XKR4: variants seen among roughly 807,000 people sequenced by gnomAD.
XKR4 encodes the protein XK-related protein 4.
In XKR4, 12 loss-of-function variants were observed where a neutral mutation model predicts 53.9. The observed-to-expected ratio is 0.22, with a 90% CI of 0.14 to 0.36. The LOEUF (loss-of-function observed/expected upper bound fraction) is 0.36, where lower values mean the gene tolerates loss of function less well. Among genes scored for constraint, XKR4 ranks in the 10% least tolerant of loss-of-function variants. The pLI is 1.00. For missense variants in XKR4, 799 were observed against 859.5 expected (o/e 0.93, Z 0.88); for synonymous variants, 354 against 362.4 (o/e 0.98, Z 0.26).
At chr8:55,135,043 T>C (rs1169887322) in intron 1 of XKR4, among the ~76,000 whole-genome samples, 1 of 151,164 alleles carries the variant, frequency 6.6e-6, no homozygotes, top group African/African-American at 2.4e-5. Context: ...AATATATGCA[T>C]ACCTGTATCT....
At chr8:55,182,439 T>C (rs1402519489) in intron 1 of XKR4, among the ~76,000 whole-genome samples, 1 of 152,204 alleles carries the variant, frequency 6.6e-6, no homozygotes, top group Non-Finnish European at 1.5e-5. Flanking sequence ...TAGTTTTATG[T>C]TTTAGATTTA....
intron 2 of XKR4, among the ~76,000 whole-genome samples, chr8:55,394,733 A>G (rs904145466): frequency 1.3e-5 from 2 of 152,168 alleles, no homozygotes; most frequent in Admixed American, 1.3e-4. Flanking sequence ...CTCTAGGAGG[A>G]GCTACCATGA....
At chr8:55,104,346 GT>G (rs1816107912) in intron 1 of XKR4, among the ~76,000 whole-genome samples, 1 of 152,148 alleles carries the variant, frequency 6.6e-6, no homozygotes, top group Non-Finnish European at 1.5e-5. Flanking sequence ...AAATAACTTA[GT>G]AAACAGGTGG....
At chr8:55,402,359 T>C (rs2979062) in intron 2 of XKR4, among the ~76,000 whole-genome samples, 28,156 of 152,156 alleles carry the variant, frequency 0.19, 5,507 homozygotes, top group African/African-American at 0.5. Flanking sequence ...TGAACCACTG[T>C]GCAAATAGGT....
At chr8:55,478,102 G>T (rs1806029769) in intron 2 of XKR4, among the ~76,000 whole-genome samples, 1 of 152,018 alleles carries the variant, frequency 6.6e-6, no homozygotes, top group Non-Finnish European at 1.5e-5. Context: ...ACACATAATT[G>T]TCAGATTCAC....
At chr8:55,324,341 C>A (rs1803262840) in intron 1 of XKR4, among the ~76,000 whole-genome samples, 1 of 152,178 alleles carries the variant, frequency 6.6e-6, no homozygotes, top group Admixed American at 6.5e-5. Flanking sequence ...AGCAATCCAC[C>A]CACCTTGGCC....
intron 1 of XKR4, among the ~76,000 whole-genome samples, chr8:55,172,365 A>C (rs1817173521): frequency 6.6e-6 from 1 of 152,120 alleles, no homozygotes; most frequent in Non-Finnish European, 1.5e-5. Flanking sequence ...ACAAAAATCC[A>C]TCCAGTGTGA....
At chr8:55,339,953 A>G (rs555131351) in intron 1 of XKR4, among the ~76,000 whole-genome samples, 1 of 152,236 alleles carries the variant, frequency 6.6e-6, no homozygotes, top group Non-Finnish European at 1.5e-5. Context: ...AAGAAAATCA[A>G]GTCTTATTGT....
chr8:55,460,687 C>T (rs1341214431), intron 2 of XKR4, among the ~76,000 whole-genome samples: 1 of 152,112 alleles, frequency 6.6e-6, no homozygotes, highest in African/African-American at 2.4e-5. Flanking sequence ...TGAGGCATCG[C>T]CTCACCCGGG....
rs200982391 is a variant in XKR4, at chr8:55,355,218, T to TA, written c.807-2450dup. Among the ~76,000 whole-genome samples the TA allele has an allele frequency of 1.2e-4, 17 of 146,994 alleles. No homozygotes were observed. The South Asian group carries it at 1.5e-3, about 13-fold the overall frequency. On this transcript the variant is annotated intron_variant, in intron 1 of 2. Transcript: ENST00000327381. ...CATGCCCAGCCTAGAATTTTATATT[T>TA]AAAAAAAAAAGCAGGACAGACATGA...
intron 1 of XKR4, among the ~76,000 whole-genome samples, chr8:55,181,967 G>C (rs1817315834): frequency 6.6e-6 from 1 of 152,044 alleles, no homozygotes; most frequent in Admixed American, 6.5e-5. Context: ...GCATCTAAAA[G>C]TTATGATCTC....
At chr8:55,166,586 T>A (rs1489779353) in intron 1 of XKR4, among the ~76,000 whole-genome samples, 3 of 152,168 alleles carry the variant, frequency 2.0e-5, no homozygotes, top group Non-Finnish European at 4.4e-5. Context: ...GTATGTATGA[T>A]GATGATATGC....
intron 1 of XKR4, among the ~76,000 whole-genome samples, chr8:55,227,516 G>A (rs1320504788): frequency 6.6e-6 from 1 of 152,216 alleles, no homozygotes; most frequent in Non-Finnish European, 1.5e-5. Flanking sequence ...AACCAGTTGT[G>A]TCTGAGTCCA....
intron 2 of XKR4, among the ~76,000 whole-genome samples, chr8:55,423,653 C>T (rs1384503210): frequency 6.6e-6 from 1 of 152,198 alleles, no homozygotes; most frequent in Non-Finnish European, 1.5e-5. Context: ...TTATTTCTTG[C>T]TGACTAGAAC....
intron 1 of XKR4, among the ~76,000 whole-genome samples, chr8:55,197,423 G>T (rs894075297): frequency 6.6e-6 from 1 of 151,998 alleles, no homozygotes; most frequent in Admixed American, 6.5e-5. Context: ...TGGACAAAAA[G>T]TATTCACTTT....
rs1816052067 is a variant in XKR4, at chr8:55,102,260, G to T, written c.-229G>T. 2.7e-6 allele frequency: 1 copy of T among 374,046 alleles called. No individual in the cohort carries two copies. Among genetic ancestry groups the T allele is most frequent in the Admixed American group, 6.7e-5 (1 of 14,950 alleles). 23.2% of individuals were successfully genotyped at this position (374,046 alleles called of 1,614,324 possible). On this transcript the variant is annotated 5_prime_UTR_variant, in exon 1 of 3. Coordinates refer to ENST00000327381, the MANE Select transcript of XKR4 (RefSeq NM_052898.2). This position sits in a 1 kb window ranked among gnomAD's most constrained non-coding sequence, Gnocchi z 5.1. ...CGAGCAGCTTGGCTCCGCGCAGGCA[G>T]CCAGGCGGCGCTCCTGCCGGCCCCA...
At chr8:55,141,669 C>G (rs943541902) in intron 1 of XKR4, among the ~76,000 whole-genome samples, 177 of 147,564 alleles carry the variant, frequency 1.2e-3, no homozygotes, top group African/African-American at 4.2e-3. Context: ...CTCTCTCTCT[C>G]TCTGTGTGTG....
At chr8:55,458,420 C>T (rs529431578) in intron 2 of XKR4, among the ~76,000 whole-genome samples, 15 of 152,238 alleles carry the variant, frequency 9.9e-5, no homozygotes, top group African/African-American at 3.4e-4. Flanking sequence ...ACCCATGACC[C>T]CTGGAGTTAC....
intron 2 of XKR4, among the ~76,000 whole-genome samples, chr8:55,500,386 A>G (rs1177572034): frequency 6.6e-6 from 1 of 152,150 alleles, no homozygotes; most frequent in Non-Finnish European, 1.5e-5. Flanking sequence ...TGAGATTGTC[A>G]TCAAAGATAG....
Sources: gnomAD v4.1 joint callset for allele counts (sites outside exome capture counted in the v4.1 genomes callset) on GRCh38, gnomAD v4.1.1 for gene constraint, Gnocchi (gnomAD v3.1) non-coding constraint, MANE v1.5 for transcripts, NCBI Gene and HGNC (gene_info 2026-07-23, HGNC 2026-07-21) for gene names.